Variants in ADAM7 observed in about 807,000 individuals in gnomAD.
ADAM7 encodes ADAM metallopeptidase domain 7, also known as disintegrin and metalloproteinase domain-containing protein 7.
A neutral mutation model predicts 102.9 loss-of-function variants in ADAM7; 97 were observed. That is an observed-to-expected ratio of 0.94 (90% CI 0.80 to 1.12). The LOEUF (loss-of-function observed/expected upper bound fraction) is 1.12. ADAM7 is among the 50% of genes most tolerant of loss of function. The pLI is 0.00. For missense variants in ADAM7, 991 were observed against 908.7 expected (o/e 1.09, Z -1.16); for synonymous variants, 334 against 304.4 (o/e 1.10, Z -1.01).
intron 15 of ADAM7, 108 bp from the exon 16 acceptor site, chr8:24,492,935 G>A: frequency 1.7e-6 from 2 of 1,194,680 alleles, no homozygotes; most frequent in Non-Finnish European, 2.3e-6. Flanking sequence ...CCTTAACTTG[G>A]CAAGAAACCT....
At chr8:24,472,928 C>T (rs1031444287) in intron 7 of ADAM7, among the ~76,000 whole-genome samples, 1 of 151,912 alleles carries the variant, frequency 6.6e-6, no homozygotes, top group African/African-American at 2.4e-5. Flanking sequence ...ATAAAAGTTA[C>T]ACTTTATTAA....
At chr8:24,449,672 T>G (rs1379610237) in intron 3 of ADAM7, among the ~76,000 whole-genome samples, 1 of 152,172 alleles carries the variant, frequency 6.6e-6, no homozygotes, top group African/African-American at 2.4e-5. Context: ...CATTTGTCAA[T>G]TTTGGCTTTT....
At chr8:24,476,390 C>A in intron 7 of ADAM7, 43 bp from the exon 8 acceptor site, 1 of 1,404,590 alleles carries the variant, frequency 7.1e-7, no homozygotes, top group Non-Finnish European at 9.8e-7. Flanking sequence ...TTTTATGCAA[C>A]TCCTATTATT....
intron 16 of ADAM7, among the ~76,000 whole-genome samples, chr8:24,497,692 A>G (rs1015772090): frequency 6.6e-6 from 1 of 152,176 alleles, no homozygotes; most frequent in Non-Finnish European, 1.5e-5. Context: ...CCTAATCTGA[A>G]GAATGTATGA....
intron 7 of ADAM7, among the ~76,000 whole-genome samples, chr8:24,473,184 C>G (rs1365435254): frequency 6.6e-6 from 1 of 152,112 alleles, no homozygotes; most frequent in Non-Finnish European, 1.5e-5. Context: ...TTATCTTTTA[C>G]AAACTGTTCC....
At chr8:24,506,582 C>A (rs1820957328) in intron 20 of ADAM7, among the ~76,000 whole-genome samples, 1 of 152,118 alleles carries the variant, frequency 6.6e-6, no homozygotes, top group African/African-American at 2.4e-5. Flanking sequence ...GGCCCCTGTT[C>A]TAAAAGGTAA....
intron 7 of ADAM7, among the ~76,000 whole-genome samples, chr8:24,470,711 A>C (rs576719242): frequency 2.0e-5 from 3 of 152,310 alleles, no homozygotes; most frequent in East Asian, 3.9e-4. Flanking sequence ...TGGTGTAAAC[A>C]AACCTACTGC....
At chr8:24,494,250 A>AG (rs1820479517) in intron 16 of ADAM7, among the ~76,000 whole-genome samples, 1 of 152,238 alleles carries the variant, frequency 6.6e-6, no homozygotes, top group Non-Finnish European at 1.5e-5. Context: ...TTTTGAGTCT[A>AG]TATATTTAAC....
intron 14 of ADAM7, 145 bp downstream of exon 14, chr8:24,492,243 C>A: frequency 4.9e-6 from 4 of 823,724 alleles, no homozygotes; most frequent in South Asian, 1.9e-5. Flanking sequence ...CTGGATATTA[C>A]CTGTCATATT....
At chr8:24,467,083 T>A in intron 6 of ADAM7, 95 bp downstream of exon 6, 1 of 1,204,364 alleles carries the variant, frequency 8.3e-7, no homozygotes, top group Non-Finnish European at 1.2e-6. Context: ...TACTGAAATA[T>A]ATGTGCTACT....
At chr8:24,483,579 T>G (rs1192738898) in intron 9 of ADAM7, among the ~76,000 whole-genome samples, 1 of 152,136 alleles carries the variant, frequency 6.6e-6, no homozygotes, top group Non-Finnish European at 1.5e-5. Flanking sequence ...TTAATGAGAG[T>G]GCATCAGACC....
chr8:24,490,143 A>G (rs191809650), intron 12 of ADAM7, among the ~76,000 whole-genome samples: 1 of 152,294 alleles, frequency 6.6e-6, no homozygotes, highest in African/African-American at 2.4e-5. Flanking sequence ...TAGAGACTCC[A>G]TAATCAGACT....
At chr8:24,451,715 T>C (rs1818798018) in intron 3 of ADAM7, among the ~76,000 whole-genome samples, 1 of 151,266 alleles carries the variant, frequency 6.6e-6, no homozygotes, top group African/African-American at 2.4e-5. Flanking sequence ...TTGCTCTTGC[T>C]TTTCTAGTTC....
At chr8:24,481,198 C>T (rs1269421649) in intron 8 of ADAM7, among the ~76,000 whole-genome samples, 1 of 152,104 alleles carries the variant, frequency 6.6e-6, no homozygotes, top group Admixed American at 6.6e-5. Flanking sequence ...TTAAAAGGCA[C>T]CTAATTCCCA....
intron 21 of ADAM7, 80 bp from the exon 22 acceptor site, chr8:24,508,466 G>A: frequency 1.4e-6 from 2 of 1,395,860 alleles, no homozygotes; most frequent in Admixed American, 1.7e-5. Flanking sequence ...CTAATTAGTA[G>A]ATATAAATGA....
intron 16 of ADAM7, 142 bp downstream of exon 16, chr8:24,493,371 A>G: frequency 1.4e-6 from 1 of 706,904 alleles, no homozygotes; most frequent in Non-Finnish European, 2.2e-6. Context: ...TGAGGAGCAG[A>G]GTAGCAATAA....
At chr8:24,484,563 T>C (rs1421748299) in intron 9 of ADAM7, among the ~76,000 whole-genome samples, 1 of 152,168 alleles carries the variant, frequency 6.6e-6, no homozygotes, top group Non-Finnish European at 1.5e-5. Context: ...AGTCTTAACA[T>C]TTTTCAATTG....
intron 3 of ADAM7, among the ~76,000 whole-genome samples, chr8:24,456,607 C>A (rs1819043376): frequency 6.7e-6 from 1 of 149,232 alleles, no homozygotes; most frequent in Non-Finnish European, 1.5e-5. Flanking sequence ...TCCTGAGTCA[C>A]CTCCTCTAAA....
Position 24,442,505 on chromosome 8 carries a change from C to A in ADAM7, c.85C>A (p.Leu29Met). Residue 29 changes from leucine (L) to methionine (M), a missense_variant, in exon 2 of 22, where the codon CTG (leucine) becomes ATG (methionine). Coordinates refer to ENST00000175238, the MANE Select transcript of ADAM7 (RefSeq NM_003817.4). ...KFILGVEGQQ[L>M]VRPKKLPLIQ... ...CATCCTTGGAGTAGAGGGTCAACAA[C>A]TGGTTCGTCCTAAAAAGCTTCCTCT... The A allele has an allele frequency of 6.2e-7, 1 of 1,614,084 alleles. No individual in the cohort carries two copies. Among genetic ancestry groups the A allele is most frequent in the Non-Finnish European group, 8.5e-7 (1 of 1,179,988 alleles).
Sources: allele counts gnomAD v4.1 joint callset (sites outside exome capture counted in the v4.1 genomes callset), GRCh38; gene constraint gnomAD v4.1.1; transcripts MANE v1.5; gene names NCBI Gene and HGNC (gene_info 2026-07-23, HGNC 2026-07-21).